CDK12: variants seen among roughly 807,000 people sequenced by gnomAD.
CDK12 encodes the protein cyclin dependent kinase 12, also known as cyclin-dependent kinase 12.
A neutral mutation model predicts 133.8 loss-of-function variants in CDK12; 17 were observed. That is an observed-to-expected ratio of 0.13 (90% CI 0.09 to 0.19). CDK12 has a LOEUF of 0.19. Ranked by LOEUF, CDK12 falls within the 10% of genes least tolerant of loss-of-function variation. The pLI is 1.00. For missense variants in CDK12, 1,508 were observed against 1,818.7 expected (o/e 0.83, Z 3.11); for synonymous variants, 694 against 683.6 (o/e 1.02, Z -0.24).
intron 2 of CDK12, among the ~76,000 whole-genome samples, chr17:39,473,111 A>C (rs956480142): frequency 1.3e-5 from 2 of 151,942 alleles, no homozygotes; most frequent in Admixed American, 6.6e-5. Context: ...CATAATATTT[A>C]ACCAAATAGT....
chr17:39,520,143 G>C, intron 11 of CDK12, 56 bp downstream of exon 11: 1 of 1,593,090 alleles, frequency 6.3e-7, no homozygotes, highest in Non-Finnish European at 8.6e-7. Flanking sequence ...CTTAGACGAT[G>C]AGAAACTCAT....
rs746798029 is a variant in CDK12, at chr17:39,530,665, G to A, written c.3822G>A (p.Pro1274=). The A allele has an allele frequency of 3.3e-5, 48 of 1,443,614 alleles. No individual in the cohort carries two copies. The highest frequency in any genetic ancestry group is 5.8e-5 in the East Asian group (2 of 34,710). 89.4% of individuals were successfully genotyped at this position (1,443,614 alleles called of 1,614,324 possible). The change falls in exon 14 of 14, where the codon CCG becomes CCA. Residue 1274 remains proline (P), a synonymous_variant. Coordinates refer to ENST00000447079, the MANE Select transcript of CDK12 (RefSeq NM_016507.4). ...CCCCTGAGCCCCCCGGACCTCCACCGCCGCCACCTCCACCCCCTCTGGTTG... is the reference window on the plus strand; with the variant it reads ...CCCCTGAGCCCCCCGGACCTCCACCACCGCCACCTCCACCCCCTCTGGTTG... ...KRPPEPPGPP[P]PPPPPPLVEG...
intron 5 of CDK12, among the ~76,000 whole-genome samples, chr17:39,495,106 T>C (rs1340896976): frequency 6.6e-6 from 1 of 151,932 alleles, no homozygotes; most frequent in Non-Finnish European, 1.5e-5. Flanking sequence ...TTTGAGACAG[T>C]CTCGCACTGT....
intron 2 of CDK12, among the ~76,000 whole-genome samples, chr17:39,481,378 T>G (rs1402117228): frequency 1.4e-5 from 2 of 147,418 alleles, no homozygotes; most frequent in Admixed American, 1.4e-4. Context: ...CAGGCTGGGG[T>G]ACACTGGCGT....
chr17:39,503,065 C>T (rs1157370375), intron 6 of CDK12, among the ~76,000 whole-genome samples: 1 of 152,080 alleles, frequency 6.6e-6, no homozygotes, highest in East Asian at 1.9e-4. Context: ...GGTGACAGAG[C>T]AAGACTCCAT....
At chr17:39,561,965 A>G (rs769693700) in intron 3 of CDK12, among the ~76,000 whole-genome samples, 4 of 152,072 alleles carry the variant, frequency 2.6e-5, no homozygotes, top group Non-Finnish European at 4.4e-5. Context: ...TTTGAGATGG[A>G]GTCTTGCCCT....
intron 2 of CDK12, among the ~76,000 whole-genome samples, chr17:39,555,042 G>A (rs1193089166): frequency 1.3e-5 from 2 of 152,106 alleles, no homozygotes; most frequent in East Asian, 1.9e-4. Flanking sequence ...AAGGTCAGGA[G>A]ATCGAGATCT....
chr17:39,462,456 G>C lies in CDK12; in HGVS notation c.385G>C (p.Glu129Gln), dbSNP rs2144873799. 2.5e-6 allele frequency: 4 copies of C among 1,613,974 alleles called. No individual in the cohort carries two copies. Among genetic ancestry groups the C allele is most frequent in the Non-Finnish European group, 3.4e-6 (4 of 1,179,996 alleles). Residue 129 changes from glutamate (E) to glutamine (Q), a missense_variant, in exon 1 of 14, where the codon GAA becomes CAA. Glu to Gln is a conservative substitution (Grantham distance 29). Transcript: ENST00000447079. Reference protein sequence around the residue: ...SRDLLKAKQTEKEKSQEVSSK... With the variant: ...SRDLLKAKQTQKEKSQEVSSK... ...GGACTTACTAAAAGCTAAACAGACC[G>C]AAAAAGAAAAAAGCCAAGAAGTCTC...
At chr17:39,522,117 TA>T (rs1159321434) in intron 11 of CDK12, among the ~76,000 whole-genome samples, 1 of 152,034 alleles carries the variant, frequency 6.6e-6, no homozygotes, top group Non-Finnish European at 1.5e-5. Flanking sequence ...TTTTTGTTAT[TA>T]TTTTTTTTGA....
chr17:39,469,576 A>G (rs2049621094), intron 1 of CDK12, among the ~76,000 whole-genome samples: 1 of 151,672 alleles, frequency 6.6e-6, no homozygotes, highest in South Asian at 2.1e-4. Context: ...TTGGTGAAGC[A>G]TGCTTGTTGC....
chr17:39,558,875 C>A (rs967671657), intron 3 of CDK12, among the ~76,000 whole-genome samples: 2 of 152,142 alleles, frequency 1.3e-5, no homozygotes, highest in African/African-American at 4.8e-5. Flanking sequence ...AATTCCTGAC[C>A]TCAGGTGATC....
At chr17:39,469,113 A>G (rs1417820854) in intron 1 of CDK12, among the ~76,000 whole-genome samples, 3 of 152,238 alleles carry the variant, frequency 2.0e-5, no homozygotes, top group Non-Finnish European at 4.4e-5. Context: ...GGCGTGAGCC[A>G]CAGCACCCGG....
At chr17:39,547,372 G>A (rs998831727), upstream of CDK12, among the ~76,000 whole-genome samples, 6 of 152,140 alleles carry the variant, frequency 3.9e-5, no homozygotes, top group African/African-American at 1.2e-4. Context: ...CCGACCTCAG[G>A]TGATCCGCCT....
Position 39,532,104 on chromosome 17 carries a change from C to CTCTCTCTCTCTA in CDK12, c.*799_*800insATCTCTCTCTCT, listed in dbSNP as rs1325415663. ...TGATGTGTGCTCTCTCTCTCTCTTTCTCTCTCTCTCTCTCTCTCTCTCTCT... is the reference window on the plus strand; with the variant it reads ...TGATGTGTGCTCTCTCTCTCTCTTTCTCTCTCTCTCTATCTCTCTCTCTCTCTCTCTCTCTCT... On this transcript the variant is annotated 3_prime_UTR_variant, in exon 14 of 14. Transcript: ENST00000447079. 1.5e-3 allele frequency: 21 copies of CTCTCTCTCTCTA among 14,150 alleles called. No homozygotes were observed. The highest frequency in any genetic ancestry group is 2.0e-3 in the African/African-American group (17 of 8,356). The allele number at this position is 14,150 out of a possible 1,614,324, so 0.9% of individuals were successfully genotyped here. A position where few individuals can be genotyped will look rare whatever the true frequency, so the allele number is the denominator to read the frequency against.
chr17:39,561,700 T>C (rs1422917432), intron 3 of CDK12, among the ~76,000 whole-genome samples: 1 of 152,152 alleles, frequency 6.6e-6, no homozygotes, highest in African/African-American at 2.4e-5. Context: ...GCTGGCTCTT[T>C]TATAGTTGAT....
chr17:39,536,878 T>A (rs886565305), downstream of CDK12, among the ~76,000 whole-genome samples: 1 of 152,206 alleles, frequency 6.6e-6, no homozygotes, highest in Non-Finnish European at 1.5e-5. Context: ...ACAGCATACT[T>A]CTGTGGAATA....
chr17:39,506,506 A>G (rs1027766673), intron 6 of CDK12, among the ~76,000 whole-genome samples: 8 of 152,004 alleles, frequency 5.3e-5, no homozygotes, highest in African/African-American at 1.7e-4. Context: ...GCGAGCCACC[A>G]CGCCTGGCCA....
At position 39,525,976 on chromosome 17, in the gene CDK12, C is replaced by G; in HGVS notation, c.3420C>G (p.Ile1140Met). 6.2e-7 allele frequency: 1 copy of G among 1,614,154 alleles called. No individual in the cohort carries two copies. The highest frequency in any genetic ancestry group is 1.1e-5 in the South Asian group (1 of 91,090). The stretch of plus-strand genomic sequence containing the variant: ...CTCAAATGGCACAGCTGCTTAACAT[C>G]CACTCCAACCCAGAGATGCAGCAGC... ...SIPQMAQLLN[I>M]HSNPEMQQQL... Residue 1140 changes from isoleucine to methionine, a missense_variant, in exon 13 of 14, where the codon ATC becomes ATG. Coordinates refer to ENST00000447079, the MANE Select transcript of CDK12 (RefSeq NM_016507.4).
chr17:39,509,435 T>G (rs562653408), intron 6 of CDK12, among the ~76,000 whole-genome samples: 3 of 151,594 alleles, frequency 2.0e-5, no homozygotes, highest in South Asian at 4.2e-4. Flanking sequence ...GTAATAATAG[T>G]TTTTTTTTGT....
Sources: gnomAD v4.1 joint callset for allele counts (sites outside exome capture counted in the v4.1 genomes callset) on GRCh38, gnomAD v4.1.1 for gene constraint, MANE v1.5 for transcripts, NCBI Gene and HGNC (gene_info 2026-07-23, HGNC 2026-07-21) for gene names.